The following NAV2 variants were observed in gnomAD, a reference collection of about 807,000 sequenced individuals.
The protein encoded by NAV2 is neuron navigator 2, also known as helicase, APC down-regulated 1.
Under a neutral mutation model 223.2 loss-of-function variants are expected in NAV2, and 54 were observed. The ratio of observed to expected loss-of-function variants is 0.24; its 90% confidence interval spans 0.19 to 0.30. NAV2 has a LOEUF of 0.30. Ranked by LOEUF, NAV2 falls within the 10% of genes least tolerant of loss-of-function variation. NAV2 has a pLI of 1.00. For synonymous variants in NAV2, 1,279 were observed against 1,239.3 expected (o/e 1.03, Z -0.67); for missense variants, 2,806 against 3,147.5 (o/e 0.89, Z 2.60).
rs559423379 is a variant in NAV2, at chr11:19,985,570, GTTGTTTGT to G, written c.2768+1338_2768+1345del. On this transcript the variant is annotated intron_variant, in intron 11 of 37. Transcript: ENST00000349880. ...AAAAAGTTTTTTTTGTTTTTTTGTT[GTTGTTTGT>G]TTGTTTGTTTGTTTTTGAGACAGAG... Among the ~76,000 whole-genome samples the G allele has an allele frequency of 1.2e-3, 175 of 145,986 alleles. 1 individual carries two copies. Among genetic ancestry groups the G allele is most frequent in the African/African-American group, 4.4e-3 (166 of 37,964 alleles).
intron 1 of NAV2, among the ~76,000 whole-genome samples, chr11:19,615,148 T>A: frequency 6.6e-6 from 1 of 151,900 alleles, no homozygotes; most frequent in East Asian, 1.9e-4. Context: ...CTTCCAACAA[T>A]AACAAATATG....
chr11:19,454,995 C>T (rs1851913198), intron 1 of NAV2, among the ~76,000 whole-genome samples: 1 of 152,194 alleles, frequency 6.6e-6, no homozygotes, highest in East Asian at 1.9e-4. Context: ...AATTCTCAGG[C>T]CCCAGCCCAG....
chr11:19,695,187 C>A (rs186684252), intron 1 of NAV2, among the ~76,000 whole-genome samples: 1 of 152,316 alleles, frequency 6.6e-6, no homozygotes, highest in African/African-American at 2.4e-5. Context: ...ATCTGGCAAC[C>A]CAAGGTGGCC....
rs929349863 is a variant in NAV2 at position 19,419,361 on chromosome 11, T to C, written c.75+68334T>C. Among the ~76,000 whole-genome samples the C allele has an allele frequency of 3.9e-4, 60 of 152,206 alleles. 1 individual carries two copies. The highest frequency in any genetic ancestry group is 1.4e-3 in the African/African-American group (58 of 41,452). On this transcript the variant is annotated intron_variant, in intron 1 of 37. Coordinates refer to the NAV2 transcript ENST00000360655. Reference sequence around the variant, plus strand: ...AGCCAATTAGAAAACTTAGGAAACATGTCTGATATGGAGGAATCTCATGAA... The same window carrying C: ...AGCCAATTAGAAAACTTAGGAAACACGTCTGATATGGAGGAATCTCATGAA...
chr11:19,704,983 C>A (rs1382475673), intron 1 of NAV2, among the ~76,000 whole-genome samples: 3 of 146,960 alleles, frequency 2.0e-5, no homozygotes, highest in African/African-American at 7.6e-5. Flanking sequence ...TGCACTCCAG[C>A]CTGGGCGACA....
intron 1 of NAV2, among the ~76,000 whole-genome samples, chr11:19,758,550 T>C (rs532495731): frequency 1.3e-5 from 2 of 152,172 alleles, no homozygotes; most frequent in African/African-American, 4.8e-5. Flanking sequence ...TCCCCACCAA[T>C]GTATGGAAGG....
chr11:20,102,222 A>G (rs1413398628), intron 32 of NAV2, among the ~76,000 whole-genome samples: 1 of 152,158 alleles, frequency 6.6e-6, no homozygotes, highest in Non-Finnish European at 1.5e-5. Context: ...AAGAGGGACT[A>G]AGAGAACTAG....
rs61024771 is a variant in NAV2 at position 19,612,524 on chromosome 11, C to T, written c.76-219960C>T. Among the ~76,000 whole-genome samples the T allele has an allele frequency of 6.0e-3, 920 of 152,302 alleles. 3 individuals are homozygous for T. Among genetic ancestry groups the T allele is most frequent in the African/African-American group, 0.02 (824 of 41,562 alleles). Reference sequence around the variant, plus strand: ...TGCTTTGCTGCTTAGAAATTTCTTCCGCCAGATACCCTAAATCATCTCTCT... The same window carrying T: ...TGCTTTGCTGCTTAGAAATTTCTTCTGCCAGATACCCTAAATCATCTCTCT... On this transcript the variant is annotated intron_variant, in intron 1 of 37. Transcript: ENST00000360655.
chr11:19,400,998 A>G (rs1184897594), intron 1 of NAV2, among the ~76,000 whole-genome samples: 1 of 152,162 alleles, frequency 6.6e-6, no homozygotes, highest in Non-Finnish European at 1.5e-5. Flanking sequence ...TCGTCAAAAC[A>G]TTGGCTCCCT....
At chr11:19,454,813 G>A (rs558715929) in intron 1 of NAV2, among the ~76,000 whole-genome samples, 1 of 152,266 alleles carries the variant, frequency 6.6e-6, no homozygotes, top group South Asian at 2.1e-4. Context: ...AGTGTTGGGA[G>A]GTGGGAGCAC....
At chr11:20,046,107 G>A (rs145718310) in intron 14 of NAV2, among the ~76,000 whole-genome samples, 2,735 of 152,212 alleles carry the variant, frequency 0.018, 83 homozygotes, top group African/African-American at 0.062. Context: ...AGGCCAAGGC[G>A]GGCAGATCAC....
At chr11:19,478,041 A>C (rs946472598) in intron 1 of NAV2, among the ~76,000 whole-genome samples, 2 of 152,228 alleles carry the variant, frequency 1.3e-5, no homozygotes, top group Non-Finnish European at 2.9e-5. Flanking sequence ...CTAGAAAGCT[A>C]TCCTATAGCC....
chr11:19,548,710 T>C (rs1420572265), intron 1 of NAV2, among the ~76,000 whole-genome samples: 1 of 110,390 alleles, frequency 9.1e-6, no homozygotes, highest in Non-Finnish European at 1.9e-5. Flanking sequence ...CTACTAAAGA[T>C]ACAAAAAAAA....
At chr11:19,737,487 A>C (rs1008033515) in intron 1 of NAV2, among the ~76,000 whole-genome samples, 7 of 152,234 alleles carry the variant, frequency 4.6e-5, no homozygotes, top group Non-Finnish European at 1.0e-4. Flanking sequence ...CCCAGCTGTC[A>C]AATAGATAAT....
At chr11:19,955,056 G>A (rs1376499409) in intron 10 of NAV2, among the ~76,000 whole-genome samples, 3 of 151,998 alleles carry the variant, frequency 2.0e-5, no homozygotes, top group Admixed American at 2.0e-4. Context: ...TGTCTTGAAT[G>A]CTCCTGTATC....
chr11:19,625,707 T>C (rs554570834), intron 1 of NAV2, among the ~76,000 whole-genome samples: 3 of 152,302 alleles, frequency 2.0e-5, no homozygotes, highest in Admixed American at 1.3e-4. Flanking sequence ...TTTGCCAACA[T>C]TTGTTCTTCT....
At chr11:20,022,655 C>T in intron 11 of NAV2, 1 of 991,878 alleles carries the variant, frequency 1.0e-6, no homozygotes, top group Non-Finnish European at 1.2e-6. Context: ...GCACTTAGGG[C>T]TGGAAAGACT....
chr11:19,570,172 T>C (rs1333258645), intron 1 of NAV2, among the ~76,000 whole-genome samples: 1 of 152,212 alleles, frequency 6.6e-6, no homozygotes, highest in African/African-American at 2.4e-5. Context: ...GATAGGCATC[T>C]TGGGCTCCGG....
rs566897296 is a variant in NAV2, at chr11:19,965,644, A to G, written c.2645+16564A>G. Among the ~76,000 whole-genome samples the G allele has an allele frequency of 2.9e-4, 44 of 152,316 alleles. 2 individuals carry two copies. The South Asian group carries it at 8.7e-3, about 30-fold the overall frequency. Reference sequence around the variant, plus strand: ...TGAGAGAGATCTTTCTAGAGCACAAATCTGATTATATTCTCTGCTTACATT... The same window carrying G: ...TGAGAGAGATCTTTCTAGAGCACAAGTCTGATTATATTCTCTGCTTACATT... On this transcript the variant is annotated intron_variant, in intron 10 of 37. Transcript: ENST00000349880.
Sources: gnomAD v4.1 joint callset for allele counts (sites outside exome capture counted in the v4.1 genomes callset) on GRCh38, gnomAD v4.1.1 for gene constraint, MANE v1.5 for transcripts, NCBI Gene and HGNC (gene_info 2026-07-23, HGNC 2026-07-21) for gene names.